Variants in ADGRL3 observed in about 807,000 individuals in gnomAD.
ADGRL3 encodes adhesion G protein-coupled receptor L3.
ADGRL3 carries 62 observed loss-of-function variants against 153.5 expected under a neutral mutation model. The observed-to-expected ratio is 0.40, with a 90% CI of 0.33 to 0.50. ADGRL3 has a LOEUF of 0.50. Among genes scored for constraint, ADGRL3 ranks in the 20% least tolerant of loss-of-function variants. The pLI is 0.47. For synonymous variants in ADGRL3, 710 were observed against 672.5 expected, an observed-to-expected ratio of 1.06 and a Z score of -0.86; for missense variants, 1,641 against 1,859.4, an observed-to-expected ratio of 0.88 and a Z score of 2.16.
At chr4:61,401,356 G>C (rs2096928187) in intron 2 of ADGRL3, among the ~76,000 whole-genome samples, 1 of 151,766 alleles carries the variant, frequency 6.6e-6, no homozygotes, top group Non-Finnish European at 1.5e-5. Flanking sequence ...TATTTTTGAA[G>C]AACACATTTA....
At chr4:61,853,235 T>C (rs2098228161) in intron 9 of ADGRL3, among the ~76,000 whole-genome samples, 1 of 152,160 alleles carries the variant, frequency 6.6e-6, no homozygotes, top group Non-Finnish European at 1.5e-5. Context: ...CCCATTAGCA[T>C]AAACTCAGCT....
At chr4:62,033,076 T>C (rs774802171) in intron 23 of ADGRL3, among the ~76,000 whole-genome samples, 105 of 151,892 alleles carry the variant, frequency 6.9e-4, no homozygotes, top group Non-Finnish European at 1.2e-3. Context: ...AACATATGTT[T>C]ATGTTTTACT....
At chr4:61,519,617 T>A (rs1200855475) in intron 4 of ADGRL3, among the ~76,000 whole-genome samples, 1 of 152,178 alleles carries the variant, frequency 6.6e-6, no homozygotes, top group Non-Finnish European at 1.5e-5. Context: ...AGGGGCATAA[T>A]CTTTCCTAAT....
intron 8 of ADGRL3, among the ~76,000 whole-genome samples, chr4:61,760,122 G>T (rs2096892229): frequency 6.6e-6 from 1 of 152,196 alleles, no homozygotes; most frequent in African/African-American, 2.4e-5. Flanking sequence ...ACCCACTTGA[G>T]GCAGTCTGTC....
At chr4:62,064,452 C>T (rs1741888167) in intron 25 of ADGRL3, among the ~76,000 whole-genome samples, 1 of 151,612 alleles carries the variant, frequency 6.6e-6, no homozygotes, top group African/African-American at 2.4e-5. Flanking sequence ...GCTTAAAATA[C>T]ATCATATGTA....
chr4:61,748,031 T>A (rs1422807293), intron 8 of ADGRL3, among the ~76,000 whole-genome samples: 4 of 151,698 alleles, frequency 2.6e-5, no homozygotes, highest in African/African-American at 7.3e-5. Flanking sequence ...AAAATCAATG[T>A]ACAAAAATCA....
intron 11 of ADGRL3, among the ~76,000 whole-genome samples, chr4:61,897,198 A>C (rs576435709): frequency 5.9e-5 from 9 of 152,168 alleles, no homozygotes; most frequent in Admixed American, 3.9e-4. Flanking sequence ...AATACCTCCT[A>C]TTCTTCCAGT....
chr4:61,455,862 T>C (rs1178643270), intron 2 of ADGRL3, among the ~76,000 whole-genome samples: 2 of 152,026 alleles, frequency 1.3e-5, no homozygotes, highest in Non-Finnish European at 2.9e-5. Flanking sequence ...ATCTCCCAGG[T>C]TGGCATGTAG....
chr4:61,896,201 A>G (rs1055913742), intron 11 of ADGRL3, among the ~76,000 whole-genome samples: 1 of 152,202 alleles, frequency 6.6e-6, no homozygotes, highest in Admixed American at 6.5e-5. Context: ...TACCTTTGGA[A>G]TCTTAAGCCA....
At chr4:61,932,956 C>CT (rs1356394490) in intron 13 of ADGRL3, among the ~76,000 whole-genome samples, 1 of 151,704 alleles carries the variant, frequency 6.6e-6, no homozygotes, top group Non-Finnish European at 1.5e-5. Flanking sequence ...TTTCTTTTTC[C>CT]TTTTTTCTCA....
chr4:61,907,170 T>TC (rs2098699691), intron 11 of ADGRL3, among the ~76,000 whole-genome samples: 1 of 152,076 alleles, frequency 6.6e-6, no homozygotes, highest in African/African-American at 2.4e-5. Context: ...GCAAGTTGAT[T>TC]CCATAGACAG....
At position 61,724,497 on chromosome 4, in the gene ADGRL3, G is replaced by A. The variant is rs74414654; in HGVS notation, c.584-6125G>A. ...AGCAAAAGCATTCTATGAATTATTG[G>A]CATTTTCAATCTGCACACTCCAGGA... On this transcript the variant is annotated intron_variant, in intron 6 of 26. Transcript: ENST00000683033. Among the ~76,000 whole-genome samples, 991 of 152,270 alleles carry A rather than the reference G, an allele frequency of 6.5e-3. 8 individuals are homozygous for A. The highest frequency in any genetic ancestry group is 0.022 in the African/African-American group (934 of 41,558).
At chr4:61,446,236 T>C (rs1205427496) in intron 2 of ADGRL3, among the ~76,000 whole-genome samples, 1 of 152,206 alleles carries the variant, frequency 6.6e-6, no homozygotes, top group African/African-American at 2.4e-5. Flanking sequence ...AGCAACTAAA[T>C]GTGTGTAATT....
intron 2 of ADGRL3, among the ~76,000 whole-genome samples, chr4:61,448,860 GGGAA>G (rs1256353273): frequency 6.9e-4 from 4 of 5,756 alleles, no homozygotes; most frequent in Admixed American, 6.1e-3. Context: ...AAGGAAGGGA[GGGAA>G]GGAAGGAAGG....
At chr4:61,720,149 G>A (rs1356276251) in intron 6 of ADGRL3, among the ~76,000 whole-genome samples, 2 of 149,138 alleles carry the variant, frequency 1.3e-5, no homozygotes, top group East Asian at 4.0e-4. Context: ...GAGTGCAGTG[G>A]TTCAATCTCA....
intron 4 of ADGRL3, among the ~76,000 whole-genome samples, chr4:61,532,531 T>TGC (rs35405501): frequency 6.1e-4 from 86 of 141,294 alleles, no homozygotes; most frequent in South Asian, 3.8e-3. Context: ...GGATGCTGCA[T>TGC]GCGCGCGCGC....
chr4:61,844,600 A>ATATATATATAT (rs2098091269), intron 9 of ADGRL3, among the ~76,000 whole-genome samples: 1 of 126,350 alleles, frequency 7.9e-6, no homozygotes, highest in African/African-American at 3.1e-5. Context: ...ATATATATTT[A>ATATATATATAT]CTTTATTCAC....
chr4:61,853,415 G>A (rs1561361853), intron 9 of ADGRL3, among the ~76,000 whole-genome samples: 4 of 152,052 alleles, frequency 2.6e-5, no homozygotes, highest in Admixed American at 1.3e-4. Context: ...TTGTCCCTTC[G>A]CAAACCATCA....
chr4:61,686,311 T>A (rs2095442101), intron 6 of ADGRL3, among the ~76,000 whole-genome samples: 1 of 152,124 alleles, frequency 6.6e-6, no homozygotes, highest in Non-Finnish European at 1.5e-5. Flanking sequence ...GAAAAGATCT[T>A]ATGTTTTGTG....
Sources: gnomAD v4.1 joint callset for allele counts (sites outside exome capture counted in the v4.1 genomes callset) on GRCh38, gnomAD v4.1.1 for gene constraint, MANE v1.5 for transcripts, NCBI Gene and HGNC (gene_info 2026-07-23, HGNC 2026-07-21) for gene names.